The following CDH6 variants were observed in gnomAD, a reference collection of about 807,000 sequenced individuals.
CDH6 encodes cadherin 6.
In CDH6, 31 loss-of-function variants were observed where a neutral mutation model predicts 78.0. The ratio of observed to expected loss-of-function variants is 0.40; its 90% CI spans 0.30 to 0.54. The LOEUF (loss-of-function observed/expected upper bound fraction) is 0.54. Ranked by LOEUF, CDH6 falls within the 20% of genes least tolerant of loss-of-function variation. CDH6 has a pLI of 0.56. For synonymous variants in CDH6, 376 were observed against 368.8 expected (o/e 1.02, Z -0.23); for missense variants, 724 against 975.9 (o/e 0.74, Z 3.44).
chr5:31,324,073 A>G lies in CDH6; in HGVS notation c.*765A>G, dbSNP rs1195918475. 4.5e-6 allele frequency: 1 copy of G among 223,042 alleles called. No homozygotes were observed. Among genetic ancestry groups the G allele is most frequent in the African/African-American group, 2.2e-5 (1 of 44,868 alleles). The allele number at this position is 223,042 out of a possible 1,614,324, so 13.8% of individuals were successfully genotyped here. A position where few individuals can be genotyped will look rare whatever the true frequency, so the allele number is the denominator to read the frequency against. On this transcript the variant is annotated 3_prime_UTR_variant, in exon 12 of 12. Transcript: ENST00000265071. ...AGCTAATAATGTTAACCAAGGAAAT[A>G]TATTTTACCATACATTTAAAGTTTT...
At chr5:31,238,052 C>T (rs1230227173) in intron 1 of CDH6, among the ~76,000 whole-genome samples, 1 of 152,152 alleles carries the variant, frequency 6.6e-6, no homozygotes, top group African/African-American at 2.4e-5. Context: ...TTAATGAAAA[C>T]TTGAAGGAAG....
intron 4 of CDH6, 143 bp downstream of exon 4, chr5:31,297,551 C>T (rs1737644390): frequency 3.4e-6 from 2 of 593,370 alleles, no homozygotes; most frequent in South Asian, 5.0e-5. Flanking sequence ...TATTTGTAAA[C>T]ATGACATCTG....
chr5:31,301,744 C>T (rs1268189467), intron 5 of CDH6, among the ~76,000 whole-genome samples: 3 of 152,262 alleles, frequency 2.0e-5, no homozygotes, highest in South Asian at 2.1e-4. Flanking sequence ...AACTAAAAGT[C>T]GCAGTTCAGA....
At chr5:31,262,716 G>C (rs895107788) in intron 1 of CDH6, among the ~76,000 whole-genome samples, 5 of 152,108 alleles carry the variant, frequency 3.3e-5, no homozygotes, top group African/African-American at 1.2e-4. Context: ...TTTTGTGATT[G>C]AATAACCCTG....
At chr5:31,283,468 C>A (rs1259497576) in intron 2 of CDH6, among the ~76,000 whole-genome samples, 1 of 152,104 alleles carries the variant, frequency 6.6e-6, no homozygotes, top group African/African-American at 2.4e-5. Context: ...TGCCTCATCA[C>A]TTAAGCGGGG....
intron 11 of CDH6, among the ~76,000 whole-genome samples, chr5:31,320,215 C>T (rs1293684659): frequency 6.6e-6 from 1 of 152,138 alleles, no homozygotes; most frequent in Non-Finnish European, 1.5e-5. Context: ...TTCTAGACAG[C>T]GACACTCTCA....
At chr5:31,229,587 A>G (rs1211693410) in intron 1 of CDH6, among the ~76,000 whole-genome samples, 1 of 152,182 alleles carries the variant, frequency 6.6e-6, no homozygotes. Flanking sequence ...ATAAGTGGTT[A>G]ATTTTTTTAT....
In CDH6 at chr5:31,306,942, G is replaced by A. The variant is rs1040557691; in HGVS notation, c.1253+1515G>A. 1.3e-4 allele frequency among the ~76,000 whole-genome samples: 20 copies of A among 152,234 alleles called. No homozygotes were observed. In the East Asian group the frequency reaches 1.5e-3, roughly 12 times the overall value. On this transcript the variant is annotated intron_variant, in intron 7 of 11. Coordinates refer to ENST00000265071, the MANE Select transcript of CDH6 (RefSeq NM_004932.4). ...AAAGATTTGAATGAAATTAAAGGGC[G>A]AACCATGTTGATGCTGGGGGAAGAA...
intron 2 of CDH6, among the ~76,000 whole-genome samples, chr5:31,273,740 A>G (rs183408112): frequency 0.01 from 1,579 of 152,334 alleles, 51 homozygotes; most frequent in Non-Finnish European, 9.0e-3. Flanking sequence ...TAGAGAAAAA[A>G]AAATTTTTTT....
rs9791088 is a variant in CDH6 at position 31,196,995 on chromosome 5, G to T, written c.-129+3109G>T. Among the ~76,000 whole-genome samples the T allele has an allele frequency of 2.1e-3, 317 of 149,506 alleles. 2 individuals are homozygous for T. The highest frequency in any genetic ancestry group is 0.014 in the East Asian group (69 of 5,044). The stretch of plus-strand genomic sequence containing the variant: ...ACCAACAACAAGAAAAGAAATATTT[G>T]CAGGAAAAAAAAGTGCAATGACTGT... On this transcript the variant is annotated intron_variant, in intron 1 of 11. Transcript: ENST00000265071.
In CDH6 at chr5:31,246,430, T is replaced by C. The variant is rs73089341; in HGVS notation, c.-128-20916T>C. Among the ~76,000 whole-genome samples, 203 of 152,262 alleles carry C rather than the reference T, an allele frequency of 1.3e-3. 1 individual carries two copies. The highest frequency in any genetic ancestry group is 4.3e-3 in the African/African-American group (178 of 41,556). ...AGAACCTACCCTGACTATGTTTCAA[T>C]TGGGGATGAAGTGGGATGGTCAGGG... On this transcript the variant is annotated intron_variant, in intron 1 of 11. Coordinates refer to ENST00000265071, the MANE Select transcript of CDH6 (RefSeq NM_004932.4).
intron 1 of CDH6, among the ~76,000 whole-genome samples, chr5:31,236,479 C>T (rs182364990): frequency 7.2e-5 from 11 of 152,252 alleles, no homozygotes; most frequent in East Asian, 3.9e-4. Context: ...CATTTCTCTC[C>T]GATCGTCTTA....
chr5:31,197,766 G>A (rs895516328), intron 1 of CDH6, among the ~76,000 whole-genome samples: 2 of 152,106 alleles, frequency 1.3e-5, no homozygotes, highest in Non-Finnish European at 2.9e-5. Context: ...TTTTCATGTT[G>A]TTTTCTCCCT....
At chr5:31,216,631 C>T (rs1740870319) in intron 1 of CDH6, among the ~76,000 whole-genome samples, 7 of 146,272 alleles carry the variant, frequency 4.8e-5, no homozygotes, top group Middle Eastern at 7.6e-3. Context: ...CTATCTGGCC[C>T]TTTAGAAAAA....
At chr5:31,303,269 A>G (rs1224579910) in intron 6 of CDH6, among the ~76,000 whole-genome samples, 1 of 152,206 alleles carries the variant, frequency 6.6e-6, no homozygotes, top group Non-Finnish European at 1.5e-5. Flanking sequence ...GAAAGAGACA[A>G]GGAGCCAAGT....
chr5:31,267,529 C>A lies in CDH6; in HGVS notation c.56C>A (p.Thr19Asn), dbSNP rs1335525028. 1.2e-6 allele frequency: 2 copies of A among 1,613,998 alleles called. No individual in the cohort carries two copies. Among genetic ancestry groups the A allele is most frequent in the Non-Finnish European group, 1.7e-6 (2 of 1,180,028 alleles). The part of the protein sequence containing the change: ...LLFWVGQPYP[T>N]LSTPLSKRTS... ...TTTTGGGTGGGCCAGCCCTACCCAA[C>A]TCTCTCAACTCCACTATCAAAGAGG... Residue 19 changes from threonine to asparagine, a missense_variant, in exon 2 of 12, where the codon ACT (threonine) becomes AAT (asparagine). Thr to Asn is a moderately conservative substitution (Grantham distance 65). Transcript: ENST00000265071.
intron 2 of CDH6, among the ~76,000 whole-genome samples, chr5:31,279,745 G>A (rs1411281947): frequency 6.6e-6 from 1 of 152,108 alleles, no homozygotes; most frequent in African/African-American, 2.4e-5. Context: ...GGGTGGCAGA[G>A]GCAGAAGAAA....
At chr5:31,266,796 C>T (rs577838794) in intron 1 of CDH6, among the ~76,000 whole-genome samples, 35 of 152,262 alleles carry the variant, frequency 2.3e-4, no homozygotes, top group South Asian at 1.0e-3. Flanking sequence ...CTTTTCCAAC[C>T]TTATTTGACC....
chr5:31,218,674 C>G (rs1046775556), intron 1 of CDH6, among the ~76,000 whole-genome samples: 13 of 152,120 alleles, frequency 8.5e-5, no homozygotes, highest in African/African-American at 3.1e-4. Flanking sequence ...CTTGCAGAAC[C>G]TAAGTCCAAA....
Sources: allele counts gnomAD v4.1 joint callset (sites outside exome capture counted in the v4.1 genomes callset), GRCh38; gene constraint gnomAD v4.1.1; transcripts MANE v1.5; gene names NCBI Gene and HGNC (gene_info 2026-07-23, HGNC 2026-07-21).